MRPS21: variants seen among roughly 807,000 people sequenced by gnomAD.
MRPS21 encodes the protein mitochondrial ribosomal protein S21.
MRPS21 carries 8 observed loss-of-function variants against 9.9 expected under a neutral mutation model. The observed-to-expected ratio is 0.81, with a 90% CI of 0.47 to 1.45. The LOEUF is 1.45. Ranked by LOEUF, MRPS21 falls within the 40% of genes most tolerant of loss-of-function variation. MRPS21 has a pLI of 0.00. For synonymous variants in MRPS21, 40 were observed against 40.3 expected (o/e 0.99, Z 0.03); for missense variants, 101 against 118.9 (o/e 0.85, Z 0.70).
At chr1:150,293,948 G>A (rs1441324643) in intron 1 of MRPS21, 50 bp downstream of exon 1, 2 of 211,102 alleles carry the variant, frequency 9.5e-6, no homozygotes, top group African/African-American at 4.6e-5. Flanking sequence ...TTGGCGAGAG[G>A]GCAGGTTTGC....
intron 2 of MRPS21, among the ~76,000 whole-genome samples, chr1:150,299,429 G>GGT (rs144960058): frequency 6.7e-6 from 1 of 150,360 alleles, no homozygotes; most frequent in Admixed American, 6.6e-5. Flanking sequence ...TGCTTTTCCT[G>GGT]TTTTTTTTTC....
At chr1:150,307,362 T>TTC (rs1654378696) in intron 2 of MRPS21, among the ~76,000 whole-genome samples, 1 of 23,004 alleles carries the variant, frequency 4.3e-5, no homozygotes, top group South Asian at 1.4e-3. Context: ...TTTTTTTTTT[T>TTC]TTTTTTTTCC....
Position 150,294,384 on chromosome 1 carries a change from G to T in MRPS21, c.18G>T (p.Lys6Asn), listed in dbSNP as rs374168311. Reference protein sequence around the residue: MAKHLKFIARTVMVQE... With the variant: MAKHLNFIARTVMVQE... ...CCAAGGTCATGGCAAAACATCTGAA[G>T]TTCATCGCCAGGACTGTGATGGTAC... The change falls in exon 2 of 3, where the codon AAG becomes AAT. Residue 6 changes from lysine to asparagine, a missense_variant. Physicochemically the swap from Lys to Asn is moderately conservative, Grantham distance 94. Transcript: ENST00000614145. 1.9e-6 allele frequency: 3 copies of T among 1,613,456 alleles called. No homozygotes were observed. The African/African-American group carries it at 4.0e-5, about 22-fold the overall frequency.
chr1:150,299,537 C>T (rs1467480248), intron 2 of MRPS21, among the ~76,000 whole-genome samples: 1 of 152,122 alleles, frequency 6.6e-6, no homozygotes, highest in African/African-American at 2.4e-5. Context: ...TCACTGCAAC[C>T]TCCGCCTCCC....
chr1:150,298,665 A>C (rs1424807058), intron 2 of MRPS21, among the ~76,000 whole-genome samples: 2 of 152,048 alleles, frequency 1.3e-5, no homozygotes, highest in African/African-American at 4.8e-5. Flanking sequence ...GCAGTGGCGC[A>C]ATCTCTGCTC....
intron 2 of MRPS21, 151 bp from the exon 3 acceptor site, chr1:150,307,897 T>G: frequency 1.4e-6 from 1 of 702,062 alleles, no homozygotes; most frequent in Non-Finnish European, 2.2e-6. Flanking sequence ...ATTGAGGCCT[T>G]TGTAAGTAGG....
At chr1:150,304,872 G>A (rs772541332) in intron 2 of MRPS21, 39 of 245,764 alleles carry the variant, frequency 1.6e-4, no homozygotes, top group Non-Finnish European at 2.9e-4. Context: ...CCAACATGGC[G>A]AAACCTTATG....
At chr1:150,302,619 C>T (rs587607942) in intron 2 of MRPS21, among the ~76,000 whole-genome samples, 1 of 152,174 alleles carries the variant, frequency 6.6e-6, no homozygotes, top group East Asian at 1.9e-4. Flanking sequence ...CTGGTTTCTC[C>T]TTCAGTATTA....
chr1:150,300,033 AATT>A (rs1465293225), intron 2 of MRPS21, among the ~76,000 whole-genome samples: 1 of 152,090 alleles, frequency 6.6e-6, no homozygotes, highest in African/African-American at 2.4e-5. Flanking sequence ...CAGGATTGAA[AATT>A]ATTATAATAG....
intron 2 of MRPS21, chr1:150,304,671 CTT>C: frequency 4.8e-6 from 1 of 207,356 alleles, no homozygotes; most frequent in South Asian, 5.3e-5. Context: ...AAGAGAATCT[CTT>C]GAACCTGGGA....
At chr1:150,306,867 C>T (rs1654350694) in intron 2 of MRPS21, among the ~76,000 whole-genome samples, 1 of 152,038 alleles carries the variant, frequency 6.6e-6, no homozygotes, top group Non-Finnish European at 1.5e-5. Context: ...AAATGGCTCT[C>T]CCCAGTTGAG....
intron 2 of MRPS21, among the ~76,000 whole-genome samples, chr1:150,296,790 T>C (rs1553856616): frequency 2.0e-5 from 3 of 152,158 alleles, no homozygotes; most frequent in Non-Finnish European, 4.4e-5. Context: ...GAAAGACTTA[T>C]GGTGGTTCAT....
At position 150,308,475 on chromosome 1, in the gene MRPS21, A is replaced by G; in HGVS notation, c.*247A>G. 2.6e-6 allele frequency: 1 copy of G among 379,304 alleles called. No homozygotes were observed. The highest frequency in any genetic ancestry group is 4.0e-5 in the East Asian group (1 of 25,042). 23.5% of individuals were successfully genotyped at this position (379,304 alleles called of 1,614,324 possible). The stretch of plus-strand genomic sequence containing the variant: ...AATGGTATTTGCCAGGGACTGGAGG[A>G]GGGGGCAGTGAGGAGTTATTGTTTA... On this transcript the variant is annotated 3_prime_UTR_variant, in exon 3 of 3. Coordinates refer to ENST00000614145, the MANE Select transcript of MRPS21 (RefSeq NM_031901.6).
chr1:150,295,298 G>A (rs1256825899), intron 2 of MRPS21, among the ~76,000 whole-genome samples: 2 of 151,998 alleles, frequency 1.3e-5, no homozygotes, highest in African/African-American at 2.4e-5. Context: ...GCCCGGCCCC[G>A]CTTTTTAAAA....
At chr1:150,298,654 C>T (rs781837166) in intron 2 of MRPS21, among the ~76,000 whole-genome samples, 12 of 152,092 alleles carry the variant, frequency 7.9e-5, no homozygotes, top group Non-Finnish European at 1.3e-4. Context: ...CAGGCTGGAG[C>T]GCAGTGGCGC....
intron 2 of MRPS21, among the ~76,000 whole-genome samples, chr1:150,299,252 A>C (rs1036605060): frequency 6.6e-6 from 1 of 152,118 alleles, no homozygotes; most frequent in South Asian, 2.1e-4. Context: ...CTCCTTCCTG[A>C]TCCTCTTCAC....
At chr1:150,304,993 T>G (rs1467831245) in intron 2 of MRPS21, 1 of 382,460 alleles carries the variant, frequency 2.6e-6, no homozygotes, top group Non-Finnish European at 5.1e-6. Context: ...GAGCCAAGAT[T>G]GCGCCATTGC....
At chr1:150,307,765 A>C (rs1654396636) in intron 2 of MRPS21, among the ~76,000 whole-genome samples, 1 of 151,966 alleles carries the variant, frequency 6.6e-6, no homozygotes, top group Non-Finnish European at 1.5e-5. Context: ...TTTTTTGTAG[A>C]AACAGGGTTT....
chr1:150,302,338 G>T (rs1323589767), intron 2 of MRPS21, among the ~76,000 whole-genome samples: 1 of 152,122 alleles, frequency 6.6e-6, no homozygotes, highest in Non-Finnish European at 1.5e-5. Flanking sequence ...GGTGCCCCGG[G>T]ATGAGAAGGT....
Sources: allele counts gnomAD v4.1 joint callset (sites outside exome capture counted in the v4.1 genomes callset), GRCh38; gene constraint gnomAD v4.1.1; transcripts MANE v1.5; gene names NCBI Gene and HGNC (gene_info 2026-07-23, HGNC 2026-07-21).